ZDHHC13: variants seen among roughly 807,000 people sequenced by gnomAD.
The protein encoded by ZDHHC13 is zDHHC palmitoyltransferase 13.
ZDHHC13 carries 85 observed loss-of-function variants against 86.0 expected under a neutral mutation model. That is an observed-to-expected ratio of 0.99 (90% confidence interval 0.83 to 1.18). The LOEUF is 1.18. Ranked by LOEUF, ZDHHC13 falls within the 50% of genes most tolerant of loss-of-function variation. ZDHHC13 has a pLI of 0.00. For synonymous variants in ZDHHC13, 263 were observed against 246.4 expected, an observed-to-expected ratio of 1.07 and a Z score of -0.63; for missense variants, 711 against 730.2, an observed-to-expected ratio of 0.97 and a Z score of 0.30.
upstream of ZDHHC13, chr11:19,117,149 G>A: frequency 3.0e-6 from 4 of 1,323,118 alleles, no homozygotes; most frequent in South Asian, 1.3e-5. This position sits in a 1 kb window ranked among gnomAD's most constrained non-coding sequence, Gnocchi z 4.2. Context: ...AGGTGAGGGC[G>A]CCAGCAGGAA....
intron 8 of ZDHHC13, among the ~76,000 whole-genome samples, chr11:19,154,395 C>T (rs938888642): frequency 1.3e-5 from 2 of 152,002 alleles, no homozygotes; most frequent in Non-Finnish European, 2.9e-5. Context: ...AAAATCTAAA[C>T]TAGCCCATTT....
rs1468145440 is a variant in ZDHHC13 at position 19,147,525 on chromosome 11, A to G, written c.297-71A>G. On this transcript the variant is annotated intron_variant, in intron 3 of 16. Coordinates refer to ENST00000446113, the MANE Select transcript of ZDHHC13 (RefSeq NM_019028.3). Reference sequence around the variant, plus strand: ...CCAACATATTTATTACTATGAAAAAATTAGTATTTTCTTTCTCAATATGAA... The same window carrying G: ...CCAACATATTTATTACTATGAAAAAGTTAGTATTTTCTTTCTCAATATGAA... 3 of 1,324,700 alleles carry G rather than the reference A, an allele frequency of 2.3e-6. No individual in the cohort carries two copies. The African/African-American group carries it at 4.4e-5, about 19-fold the overall frequency. 82.1% of individuals were successfully genotyped at this position (1,324,700 alleles called of 1,614,324 possible). A position where few individuals can be genotyped will look rare whatever the true frequency, so the allele number is the denominator to read the frequency against.
At chr11:19,164,659 A>G (rs1850007882) in intron 12 of ZDHHC13, 4 of 439,740 alleles carry the variant, frequency 9.1e-6, no homozygotes, top group Non-Finnish European at 1.6e-5. Flanking sequence ...GAGGCTCATA[A>G]TGACCTTAGA....
chr11:19,166,481 T>G, intron 14 of ZDHHC13, 96 bp downstream of exon 14: 1 of 953,224 alleles, frequency 1.0e-6, no homozygotes, highest in Non-Finnish European at 1.6e-6. Context: ...GCTGGGTGAC[T>G]ATAAACCATA....
chr11:19,175,484 A>G (rs1850339820), intron 16 of ZDHHC13, among the ~76,000 whole-genome samples: 1 of 150,612 alleles, frequency 6.6e-6, no homozygotes, highest in Admixed American at 6.7e-5. Context: ...GAGGTAATCA[A>G]GGTCTGAATT....
intron 13 of ZDHHC13, 91 bp from the exon 14 acceptor site, chr11:19,166,211 G>A: frequency 2.0e-6 from 2 of 1,003,040 alleles, no homozygotes; most frequent in Non-Finnish European, 1.5e-6. Context: ...CTTTGGTGAA[G>A]ACTTTTGACA....
chr11:19,133,680 A>C (rs1849054592), intron 1 of ZDHHC13, among the ~76,000 whole-genome samples: 1 of 151,970 alleles, frequency 6.6e-6, no homozygotes, highest in African/African-American at 2.4e-5. Context: ...AAAATTAAAA[A>C]ATGTAAAGCT....
At chr11:19,169,922 C>G in intron 14 of ZDHHC13, 1 of 987,924 alleles carries the variant, frequency 1.0e-6, no homozygotes, top group Non-Finnish European at 1.2e-6. Flanking sequence ...TATACCCATG[C>G]CCAGCTCCCT....
rs149169022 is a variant in ZDHHC13, at chr11:19,134,697, C to G, written c.28-8281C>G. 7.2e-3 allele frequency among the ~76,000 whole-genome samples: 1,012 copies of G among 140,914 alleles called. 10 individuals are homozygous for G. Among genetic ancestry groups the G allele is most frequent in the African/African-American group, 0.026 (954 of 37,272 alleles). The allele number at this position is 140,914 out of a possible 152,430, so 92.4% of individuals were successfully genotyped here. Reference sequence around the variant, plus strand: ...ACAGGGAGGGGAACATTACACACTGCGGTCTGTCAGGGGGTGGGGGGCAAG... The same window carrying G: ...ACAGGGAGGGGAACATTACACACTGGGGTCTGTCAGGGGGTGGGGGGCAAG... On this transcript the variant is annotated intron_variant, in intron 1 of 16. Coordinates refer to ENST00000446113, the MANE Select transcript of ZDHHC13 (RefSeq NM_019028.3).
At chr11:19,152,348 T>G (rs770915470) in intron 7 of ZDHHC13, 28 bp downstream of exon 7, 8 of 1,605,212 alleles carry the variant, frequency 5.0e-6, no homozygotes, top group Non-Finnish European at 6.0e-6. Flanking sequence ...TCTCCCTTAG[T>G]TTATTATATC....
intron 1 of ZDHHC13, among the ~76,000 whole-genome samples, chr11:19,120,241 A>G (rs565409231): frequency 6.6e-6 from 1 of 152,322 alleles, no homozygotes; most frequent in South Asian, 2.1e-4. Context: ...GAGAGACTGC[A>G]GCAGGGTTGG....
intron 1 of ZDHHC13, among the ~76,000 whole-genome samples, chr11:19,119,617 C>T (rs1272618940): frequency 6.6e-6 from 1 of 151,716 alleles, no homozygotes; most frequent in Non-Finnish European, 1.5e-5. Context: ...TCAGCACTAC[C>T]AGCAACACTC....
At position 19,146,275 on chromosome 11, in the gene ZDHHC13, GCTA is replaced by G; in HGVS notation, c.269_271del (p.Ala90_Ile91delinsVal). 6.2e-7 allele frequency: 1 copy of G among 1,613,250 alleles called. No homozygotes were observed. Among genetic ancestry groups the G allele is most frequent in the Non-Finnish European group, 8.5e-7 (1 of 1,179,570 alleles). On this transcript the variant is annotated inframe_deletion, in exon 3 of 17. Transcript: ENST00000446113. Reference sequence around the variant, plus strand: ...AAATGTGTCGCTTCTTCATTGGGCTGCTATTAACAACAGACTGGATCTTGTAAA... The same window carrying G: ...AAATGTGTCGCTTCTTCATTGGGCTGTTAACAACAGACTGGATCTTGTAAA...
At position 19,134,748 on chromosome 11, in the gene ZDHHC13, C is replaced by T. The variant is rs185606722; in HGVS notation, c.28-8230C>T. ...GGGAGGGATAGCATTAGGAGGAATACGTAATGTAGATGACAGGTTGATGGG... is the reference window on the plus strand; with the variant it reads ...GGGAGGGATAGCATTAGGAGGAATATGTAATGTAGATGACAGGTTGATGGG... On this transcript the variant is annotated intron_variant, in intron 1 of 16. Coordinates refer to ENST00000446113, the MANE Select transcript of ZDHHC13 (RefSeq NM_019028.3). 2.0e-3 allele frequency among the ~76,000 whole-genome samples: 305 copies of T among 152,056 alleles called. 1 individual carries two copies. Among genetic ancestry groups the T allele is most frequent in the Middle Eastern group, 6.8e-3 (2 of 294 alleles).
At chr11:19,164,561 C>T (rs1850004862) in intron 12 of ZDHHC13, 198 bp downstream of exon 12, 1 of 587,710 alleles carries the variant, frequency 1.7e-6, no homozygotes, top group Non-Finnish European at 3.0e-6. Flanking sequence ...GAAGTTGTCT[C>T]TGGTTACATC....
In ZDHHC13 at chr11:19,143,119, A is replaced by G; in HGVS notation, c.169A>G (p.Thr57Ala). The change falls in exon 2 of 17, where the codon ACT (threonine) becomes GCT (alanine). Residue 57 changes from threonine to alanine, a missense_variant. By Grantham distance (58) the Thr-to-Ala change is moderately conservative (BLOSUM62 0). Transcript: ENST00000446113. ...DSSNCDIVKA[T>A]QYGIFERCKE... is the part of the protein sequence containing the mutation. ...TAGTAACTGTGACATTGTCAAAGCT[A>G]CTCAGTAAGTCTTCCAAATGCTTTG... is the stretch of plus-strand genomic sequence containing the variant. The G allele has an allele frequency of 2.5e-6, 4 of 1,611,066 alleles. No homozygotes were observed. The South Asian group carries it at 4.4e-5, about 18-fold the overall frequency.
chr11:19,169,874 C>T (rs1202972817), intron 14 of ZDHHC13: 3 of 985,768 alleles, frequency 3.0e-6, no homozygotes, highest in African/African-American at 1.7e-5. Context: ...TCTGGCCTTT[C>T]TTCCTCTGCA....
chr11:19,123,541 C>T (rs887229497), intron 1 of ZDHHC13, among the ~76,000 whole-genome samples: 7 of 151,968 alleles, frequency 4.6e-5, no homozygotes, highest in East Asian at 3.9e-4. Context: ...CTACCTACTA[C>T]GGTGGGTCAG....
At chr11:19,165,327 G>A (rs969150412) in intron 13 of ZDHHC13, among the ~76,000 whole-genome samples, 182 bp downstream of exon 13, 10 of 152,142 alleles carry the variant, frequency 6.6e-5, no homozygotes, top group Non-Finnish European at 1.0e-4. Context: ...GCATCATTCT[G>A]TTTGGTAGCC....
Sources: allele counts gnomAD v4.1 joint callset (sites outside exome capture counted in the v4.1 genomes callset), GRCh38; gene constraint gnomAD v4.1.1; non-coding constraint Gnocchi (gnomAD v3.1); transcripts MANE v1.5; gene names NCBI Gene and HGNC (gene_info 2026-07-23, HGNC 2026-07-21).